TPM3: variants seen among roughly 807,000 people sequenced by gnomAD.
TPM3 encodes the protein tropomyosin 3.
A neutral mutation model predicts 43.1 loss-of-function variants in TPM3; 16 were observed. The ratio of observed to expected loss-of-function variants is 0.37; its 90% CI spans 0.25 to 0.56. The LOEUF (loss-of-function observed/expected upper bound fraction) is 0.56, where lower values mean the gene tolerates loss of function less well. TPM3 is among the 20% of genes least tolerant of loss of function. The pLI is 0.77. For missense variants in TPM3, 176 were observed against 337.2 expected (o/e 0.52, Z 3.74); for synonymous variants, 101 against 116.9 (o/e 0.86, Z 0.88).
At position 154,167,240 on chromosome 1, in the gene TPM3, C is replaced by T. The variant is rs571545039; in HGVS notation, c.*697G>A. On this transcript the variant is annotated 3_prime_UTR_variant, in exon 10 of 10. Transcript: ENST00000651641. Reference sequence around the variant, plus strand: ...TTTAAAGAAGAAAAAGTAAAAAAACCGTCCAGAATTCTATCCATTGTGTAT... The same window carrying T: ...TTTAAAGAAGAAAAAGTAAAAAAACTGTCCAGAATTCTATCCATTGTGTAT... 1.2e-5 allele frequency: 11 copies of T among 939,664 alleles called. No homozygotes were observed. Among genetic ancestry groups the T allele is most frequent in the African/African-American group, 1.1e-4 (6 of 56,254 alleles). The allele number at this position is 939,664 out of a possible 1,614,324, so 58.2% of individuals were successfully genotyped here. A position where few individuals can be genotyped will look rare whatever the true frequency, so the allele number is the denominator to read the frequency against.
At chr1:154,182,912 G>A in intron 2 of TPM3, 1 of 1,602,568 alleles carries the variant, frequency 6.2e-7, no homozygotes, top group Non-Finnish European at 8.5e-7. Context: ...CGTGCTCCAC[G>A]GCAAAAGGGA....
At chr1:154,188,615 C>A (rs1455150973) in intron 2 of TPM3, among the ~76,000 whole-genome samples, 2 of 141,302 alleles carry the variant, frequency 1.4e-5, no homozygotes, top group Non-Finnish European at 3.0e-5. Flanking sequence ...GCGGAGCTTG[C>A]AGTGAGCCAA....
At chr1:154,190,066 T>A (rs1384004999) in intron 2 of TPM3, among the ~76,000 whole-genome samples, 4 of 151,974 alleles carry the variant, frequency 2.6e-5, no homozygotes, top group Admixed American at 6.6e-5. Flanking sequence ...CTCAGCCTCC[T>A]GAGTAGCTGG....
downstream of TPM3, among the ~76,000 whole-genome samples, chr1:154,161,131 T>TAAAAAAAAAAAA (rs953940037): frequency 2.2e-4 from 19 of 85,028 alleles, no homozygotes; most frequent in African/African-American, 3.2e-4. Context: ...ATGCAAATAT[T>TAAAAAAAAAAAA]AAAAAAAAAA....
intron 9 of TPM3, among the ~76,000 whole-genome samples, chr1:154,168,401 T>C (rs1435421155): frequency 6.6e-6 from 1 of 152,214 alleles, no homozygotes; most frequent in Non-Finnish European, 1.5e-5. Flanking sequence ...GCAGTATCCC[T>C]TCTGAGAAGA....
chr1:154,168,914 A>C (rs974237156), intron 9 of TPM3, among the ~76,000 whole-genome samples: 132 of 150,756 alleles, frequency 8.8e-4, no homozygotes, highest in African/African-American at 3.1e-3. Flanking sequence ...GGCTCACTGT[A>C]ACCTCTGCCT....
intron 8 of TPM3, 106 bp downstream of exon 8, chr1:154,170,294 C>T (rs980666664): frequency 8.0e-7 from 1 of 1,256,792 alleles, no homozygotes; most frequent in Non-Finnish European, 1.2e-6. Flanking sequence ...TTAATACATG[C>T]CAAGTCACTA....
Position 154,167,123 on chromosome 1 carries a change from G to A in TPM3, c.*814C>T, listed in dbSNP as rs561328710. Among the ~76,000 whole-genome samples, 1 of 152,228 alleles carries A rather than the reference G, an allele frequency of 6.6e-6. No homozygotes were observed. Among genetic ancestry groups the A allele is most frequent in the South Asian group, 2.1e-4 (1 of 4,828 alleles). ...GAAATATGCATGATTGGTCATTTTA[G>A]TTTTCCCAATAATAATTTATCACTT... On this transcript the variant is annotated 3_prime_UTR_variant, in exon 10 of 10. Transcript: ENST00000651641.
rs1661323342 is a variant in TPM3, at chr1:154,169,302, TAC to T, written c.854+1_854+2del. 6.2e-7 allele frequency: 1 copy of T among 1,614,068 alleles called. No homozygotes were observed. The highest frequency in any genetic ancestry group is 1.3e-5 in the African/African-American group (1 of 74,928). The stretch of plus-strand genomic sequence containing the variant: ...CAGCCCCACTCTACTGTCAGATAGT[TAC>T]ATAGAGGTCATGTCATTGAGGGCGT... On this transcript the variant is annotated splice_donor_variant, in intron 9 of 9. Transcript: ENST00000651641. LOFTEE classifies it high-confidence loss of function.
chr1:154,172,957 T>C lies in TPM3; in HGVS notation c.517A>G (p.Ile173Val). The change falls in exon 5 of 10, where the codon ATT becomes GTT. Residue 173 changes from isoleucine to valine, a missense_variant. Physicochemically the swap from Ile to Val is conservative, Grantham distance 29 (BLOSUM62 3). Coordinates refer to ENST00000651641, the MANE Select transcript of TPM3 (RefSeq NM_152263.4). ...TCTGTGCGTTCCAAGTCTCCTTCAATGATCACCAACTTACGAGCCACCTAC... is the reference window on the plus strand; with the variant it reads ...TCTGTGCGTTCCAAGTCTCCTTCAACGATCACCAACTTACGAGCCACCTAC... ...YEEVARKLVI[I>V]EGDLERTEER... 2 of 1,614,190 alleles carry C rather than the reference T, an allele frequency of 1.2e-6. No homozygotes were observed. Among genetic ancestry groups the C allele is most frequent in the Non-Finnish European group, 1.7e-6 (2 of 1,180,038 alleles).
At chr1:154,156,998 A>C (rs561306729), downstream of TPM3, 1 of 199,232 alleles carries the variant, frequency 5.0e-6, no homozygotes, top group African/African-American at 2.3e-5. Flanking sequence ...CTAATGAAAA[A>C]AATAAAAAAT....
downstream of TPM3, chr1:154,156,965 T>C (rs1280417684): frequency 8.1e-5 from 16 of 198,362 alleles, no homozygotes; most frequent in Non-Finnish European, 1.4e-4. Context: ...CTCAGAGGTC[T>C]TACCATCTTA....
chr1:154,155,684 C>T (rs1659727892), downstream of TPM3: 1 of 230,264 alleles, frequency 4.3e-6, no homozygotes, highest in East Asian at 6.2e-5. Flanking sequence ...AAAGCTGTTT[C>T]AGTACAGTTG....
At chr1:154,178,791 G>A (rs1471047888) in intron 2 of TPM3, among the ~76,000 whole-genome samples, 1 of 152,176 alleles carries the variant, frequency 6.6e-6, no homozygotes. Context: ...CAGTGTGGAG[G>A]ATATACAGTA....
intron 5 of TPM3, 127 bp downstream of exon 5, chr1:154,172,781 G>C (rs1661751774): frequency 8.4e-7 from 1 of 1,184,800 alleles, no homozygotes; most frequent in South Asian, 1.2e-5. Flanking sequence ...AAGCACTATA[G>C]ATGACTCCCA....
At position 154,191,246 on chromosome 1, in the gene TPM3, A is replaced by G. The variant is rs371896719; in HGVS notation, c.183T>C (p.Tyr61=). ...LKGTEDELDK[Y]SEALKDAQEK... ...CCTGGGCATCCTTCAAAGCTTCAGA[A>G]TACTTGTCCAGCTCATCCTCTGTCC... Residue 61 remains tyrosine, a synonymous_variant, in exon 2 of 10, where the codon TAT becomes TAC. Coordinates refer to ENST00000651641, the MANE Select transcript of TPM3 (RefSeq NM_152263.4). The G allele has an allele frequency of 3.1e-6, 5 of 1,614,012 alleles. No homozygotes were observed. In the African/African-American group the frequency reaches 5.3e-5, roughly 17 times the overall value.
Position 154,164,583 on chromosome 1 carries a change from G to A in TPM3, c.*3354C>T, listed in dbSNP as rs1374037502. 6.6e-6 allele frequency among the ~76,000 whole-genome samples: 1 copy of A among 152,138 alleles called. No individual in the cohort carries two copies. The highest frequency in any genetic ancestry group is 1.9e-4 in the East Asian group (1 of 5,194). ...CTGCCACTACTCTAGCTCAGACCCT[G>A]ATTATTCTCTCCTAGAAAACTAAAT... On this transcript the variant is annotated 3_prime_UTR_variant, in exon 10 of 10. Transcript: ENST00000651641.
Position 154,164,420 on chromosome 1 carries a change from A to G in TPM3, c.*3517T>C, listed in dbSNP as rs1408538565. On this transcript the variant is annotated 3_prime_UTR_variant, in exon 10 of 10. Coordinates refer to ENST00000651641, the MANE Select transcript of TPM3 (RefSeq NM_152263.4). ...AGAAATCCTCTCACCTCAGCCTCCT[A>G]AAGTGCAGGGATTACAGGCATGAGC... Among the ~76,000 whole-genome samples, 2 of 152,168 alleles carry G rather than the reference A, an allele frequency of 1.3e-5. No individual in the cohort carries two copies. The highest frequency in any genetic ancestry group is 6.5e-5 in the Admixed American group (1 of 15,270).
At chr1:154,161,165 A>G (rs528013341), downstream of TPM3, among the ~76,000 whole-genome samples, 2 of 150,870 alleles carry the variant, frequency 1.3e-5, no homozygotes, top group Admixed American at 1.3e-4. Context: ...GCAAAAATCC[A>G]AAACACTTCT....
Sources: allele counts gnomAD v4.1 joint callset (sites outside exome capture counted in the v4.1 genomes callset), GRCh38; gene constraint gnomAD v4.1.1; transcripts MANE v1.5; gene names NCBI Gene and HGNC (gene_info 2026-07-23, HGNC 2026-07-21).